Variants in NSUN6 observed in about 807,000 individuals in gnomAD.
The protein encoded by NSUN6 is tRNA (cytosine(72)-C(5))-methyltransferase NSUN6.
In NSUN6, 64 loss-of-function variants were observed where a neutral mutation model predicts 58.0. The ratio of observed to expected loss-of-function variants is 1.10; its 90% confidence interval spans 0.90 to 1.36. NSUN6 has a LOEUF of 1.36. Among genes scored for constraint, NSUN6 ranks in the 40% most tolerant of loss-of-function variants. NSUN6 has a pLI of 0.00. For missense variants in NSUN6, 701 were observed against 550.1 expected (o/e 1.27, Z -2.74); for synonymous variants, 231 against 193.9 (o/e 1.19, Z -1.59).
intron 8 of NSUN6, among the ~76,000 whole-genome samples, chr10:18,566,966 A>G (rs1298720580): frequency 6.8e-6 from 1 of 147,124 alleles, no homozygotes; most frequent in Non-Finnish European, 1.5e-5. Flanking sequence ...ATTCTATTCC[A>G]TTCTCCATTC....
At chr10:18,651,785 G>A (rs992168081), upstream of NSUN6, 7 of 985,346 alleles carry the variant, frequency 7.1e-6, no homozygotes, top group African/African-American at 1.7e-5. Flanking sequence ...CTCAGGTTAA[G>A]TAGGCAGACC....
At chr10:18,548,669 G>A in intron 9 of NSUN6, among the ~76,000 whole-genome samples, 1 of 152,042 alleles carries the variant, frequency 6.6e-6, no homozygotes, top group East Asian at 1.9e-4. Flanking sequence ...ACACTCCCGG[G>A]CTCAAGCAGT....
Position 18,561,138 on chromosome 10 carries a change from G to A in NSUN6, c.923-9167C>T, listed in dbSNP as rs1012989987. On this transcript the variant is annotated intron_variant, in intron 8 of 10. Coordinates refer to ENST00000377304, the MANE Select transcript of NSUN6 (RefSeq NM_182543.5). The stretch of plus-strand genomic sequence containing the variant: ...AGAATATAGAATGCAATGGAGAATG[G>A]AATGTAGAATAGAATGGAATGGAAT... Among the ~76,000 whole-genome samples the A allele has an allele frequency of 2.5e-5, 3 of 117,790 alleles. No homozygotes were observed. The Admixed American group carries it at 2.6e-4, about 10-fold the overall frequency. 77.3% of individuals were successfully genotyped at this position (117,790 alleles called of 152,430 possible).
chr10:18,657,907 C>A (rs1370238506), upstream of NSUN6, among the ~76,000 whole-genome samples: 7 of 151,854 alleles, frequency 4.6e-5, no homozygotes, highest in Non-Finnish European at 1.0e-4. Context: ...CCCCAGCGCC[C>A]AGCCAAATGT....
chr10:18,547,241 G>A (rs1341063315), intron 10 of NSUN6, among the ~76,000 whole-genome samples: 1 of 152,166 alleles, frequency 6.6e-6, no homozygotes, highest in Non-Finnish European at 1.5e-5. Flanking sequence ...AATGAAGATA[G>A]GTTTTCAGAC....
At chr10:18,560,152 T>C (rs977294180) in intron 8 of NSUN6, among the ~76,000 whole-genome samples, 1 of 144,948 alleles carries the variant, frequency 6.9e-6, no homozygotes. Context: ...GATAATAGAA[T>C]GGAATGGGGA....
At chr10:18,561,651 AAATGG>A (rs1208506890) in intron 8 of NSUN6, among the ~76,000 whole-genome samples, 1 of 146,854 alleles carries the variant, frequency 6.8e-6, no homozygotes, top group Non-Finnish European at 1.5e-5. Context: ...ATGGTATGGA[AAATGG>A]AATGGAATGG....
rs751693000 is a variant in NSUN6 at position 18,651,238 on chromosome 10, G to C, written c.-35C>G. 4 of 1,511,380 alleles carry C rather than the reference G, an allele frequency of 2.6e-6. No homozygotes were observed. The East Asian group carries it at 1.0e-4, about 38-fold the overall frequency. 93.6% of individuals were successfully genotyped at this position (1,511,380 alleles called of 1,614,324 possible). ...TGTTTAGTTCTCCACCAAGAGAAAT[G>C]CTGGAAAACGGTGTTTTGTTTTTTT... On this transcript the variant is annotated 5_prime_UTR_variant, in exon 1 of 11. Transcript: ENST00000377304.
Position 18,616,184 on chromosome 10 carries a change from A to T in NSUN6, c.421T>A (p.Phe141Ile). 6.8e-7 allele frequency: 1 copy of T among 1,478,230 alleles called. No individual in the cohort carries two copies. The highest frequency in any genetic ancestry group is 1.1e-5 in the South Asian group (1 of 87,754). 91.6% of individuals were successfully genotyped at this position (1,478,230 alleles called of 1,614,324 possible). A position where few individuals can be genotyped will look rare whatever the true frequency, so the allele number is the denominator to read the frequency against. Reference sequence around the variant, plus strand: ...AGACAAATCTAAACATTATACTTACATTGTGATGCTGACACAATTCCTGGG... The same window carrying T: ...AGACAAATCTAAACATTATACTTACTTTGTGATGCTGACACAATTCCTGGG... ...YAPGIVSASQ[F>I]MKAGDVISVY... Residue 141 changes from phenylalanine (F) to isoleucine (I), a missense_variant and splice_region_variant, in exon 4 of 11, where the codon TTT becomes ATT. By Grantham distance (21) the Phe-to-Ile change is conservative. Coordinates refer to ENST00000377304, the MANE Select transcript of NSUN6 (RefSeq NM_182543.5).
intron 8 of NSUN6, among the ~76,000 whole-genome samples, chr10:18,554,876 G>A (rs946471860): frequency 1.3e-5 from 2 of 151,262 alleles, no homozygotes; most frequent in Non-Finnish European, 3.0e-5. Context: ...AAATGGGATG[G>A]AATATAATGG....
intron 8 of NSUN6, among the ~76,000 whole-genome samples, chr10:18,583,794 G>A (rs1589954355): frequency 6.6e-6 from 1 of 152,160 alleles, no homozygotes; most frequent in Admixed American, 6.5e-5. Context: ...CATACTTGAA[G>A]ACAGATGAAT....
chr10:18,548,354 T>C (rs1024410795), intron 9 of NSUN6, 117 bp from the exon 10 acceptor site: 15 of 910,446 alleles, frequency 1.6e-5, no homozygotes, highest in Non-Finnish European at 2.4e-5. Flanking sequence ...AATGATGTTC[T>C]ATGTGACAAG....
chr10:18,600,513 T>A (rs186446895), intron 6 of NSUN6, among the ~76,000 whole-genome samples: 15 of 152,152 alleles, frequency 9.9e-5, no homozygotes, highest in Admixed American at 7.2e-4. Context: ...TAGTACCAGC[T>A]CCTTGGGAGG....
rs1268725621 is a variant in NSUN6 at position 18,624,650 on chromosome 10, A to AAC, written c.312-8358_312-8357insGT. 4.0e-5 allele frequency among the ~76,000 whole-genome samples: 6 copies of AAC among 150,870 alleles called. No homozygotes were observed. The South Asian group carries it at 1.3e-3, about 32-fold the overall frequency. On this transcript the variant is annotated intron_variant, in intron 3 of 10. Transcript: ENST00000377304. ...GAGACAGAGCGAGACTCTGTCTCAA[A>AAC]AAAAAAAAAAAAAAGAACGAATGCG...
At position 18,551,889 on chromosome 10, in the gene NSUN6, C is replaced by G. The variant is rs1452377943; in HGVS notation, c.1005G>C (p.Met335Ile). ...PCSGMGQRPN[M>I]ACTWSVKEVA... ...CTTCCTTCACAGACCAAGTACAGGCCATGTTTGGTCTCTGTCCCATTCCAC... is the reference window on the plus strand; with the variant it reads ...CTTCCTTCACAGACCAAGTACAGGCGATGTTTGGTCTCTGTCCCATTCCAC... Residue 335 changes from methionine to isoleucine, a missense_variant, in exon 9 of 11, where the codon ATG becomes ATC. Transcript: ENST00000377304. 1 of 1,612,148 alleles carries G rather than the reference C, an allele frequency of 6.2e-7. No individual in the cohort carries two copies. Among genetic ancestry groups the G allele is most frequent in the Non-Finnish European group, 8.5e-7 (1 of 1,178,318 alleles).
chr10:18,648,528 G>T lies in NSUN6; in HGVS notation c.193C>A (p.Gln65Lys). Residue 65 changes from glutamine to lysine, a missense_variant, in exon 2 of 11, where the codon CAA (glutamine) becomes AAA (lysine). By Grantham distance (53) the Gln-to-Lys change is moderately conservative. Coordinates refer to ENST00000377304, the MANE Select transcript of NSUN6 (RefSeq NM_182543.5). ...TCAAGTAACAGATTTTTCACATGTT[G>T]TACTGAGGCTAAATGTGTATTCACT... ...VRVNTHLASV[Q>K]HVKNLLLDEL... The T allele has an allele frequency of 2.5e-6, 4 of 1,608,756 alleles. No individual in the cohort carries two copies. The highest frequency in any genetic ancestry group is 2.6e-6 in the Non-Finnish European group (3 of 1,175,560).
In NSUN6 at chr10:18,629,946, T is replaced by C. The variant is rs1203162372; in HGVS notation, c.311+12530A>G. On this transcript the variant is annotated intron_variant, in intron 3 of 10. Transcript: ENST00000377304. ...AACTCTCCACCCCAAATCAACAGAA[T>C]ATACATTTTTTTCAGCACCACACCA... 2.7e-5 allele frequency among the ~76,000 whole-genome samples: 4 copies of C among 150,528 alleles called. No homozygotes were observed. The South Asian group carries it at 6.5e-4, about 24-fold the overall frequency.
rs538059915 is a variant in NSUN6 at position 18,569,117 on chromosome 10, G to A, written c.922+16832C>T. ...CCACATTCCATTCCATTCTCCATCC[G>A]TTACATTCTCCATTCCATTCCCCAT... On this transcript the variant is annotated intron_variant, in intron 8 of 10. Transcript: ENST00000377304. Among the ~76,000 whole-genome samples the A allele has an allele frequency of 1.9e-4, 25 of 131,464 alleles. 1 individual carries two copies. The East Asian group carries it at 3.8e-3, about 20-fold the overall frequency. 86.2% of individuals were successfully genotyped at this position (131,464 alleles called of 152,430 possible). A position where few individuals can be genotyped will look rare whatever the true frequency, so the allele number is the denominator to read the frequency against.
chr10:18,611,247 G>T (rs2058224970), intron 5 of NSUN6, among the ~76,000 whole-genome samples: 1 of 152,004 alleles, frequency 6.6e-6, no homozygotes, highest in African/African-American at 2.4e-5. Flanking sequence ...TAGTTTAAGG[G>T]TACAATCCAA....
Sources: gnomAD v4.1 joint callset for allele counts (sites outside exome capture counted in the v4.1 genomes callset) on GRCh38, gnomAD v4.1.1 for gene constraint, MANE v1.5 for transcripts, NCBI Gene and HGNC (gene_info 2026-07-23, HGNC 2026-07-21) for gene names.